The following HTR2C variants were observed in gnomAD, a reference collection of about 807,000 sequenced individuals.
HTR2C encodes the protein 5-hydroxytryptamine (serotonin) receptor 2C, G protein-coupled.
HTR2C carries 5 observed loss-of-function variants against 21.0 expected under a neutral mutation model. That is an observed-to-expected ratio of 0.24 (90% CI 0.12 to 0.50). HTR2C has a LOEUF of 0.50. Among genes scored for constraint, HTR2C ranks in the 20% least tolerant of loss-of-function variants. HTR2C has a pLI of 0.98. For missense variants in HTR2C, 271 were observed against 371.2 expected, an observed-to-expected ratio of 0.73 and a Z score of 2.22; for synonymous variants, 150 against 145.3, an observed-to-expected ratio of 1.03 and a Z score of -0.23.
intron 2 of HTR2C, among the ~76,000 whole-genome samples, chrX:114,668,519 T>C (rs1179022018): frequency 9.0e-6 from 1 of 111,664 alleles, no homozygotes. Context: ...TTTAAAATTG[T>C]ATTTATGGCT....
intron 2 of HTR2C, among the ~76,000 whole-genome samples, chrX:114,689,100 C>T (rs1406984258): frequency 9.4e-6 from 1 of 106,557 alleles, no homozygotes; most frequent in African/African-American, 3.4e-5. Flanking sequence ...GTTTTCCATT[C>T]CTGAGTTACT....
intron 1 of HTR2C, among the ~76,000 whole-genome samples, chrX:114,607,402 T>C (rs1388903678): frequency 8.9e-6 from 1 of 111,813 alleles, no homozygotes. Context: ...CTAGGACCTA[T>C]GGTACAACGT....
In HTR2C at chrX:114,710,772, T is replaced by G. The variant is rs1489030888; in HGVS notation, c.-79-16086T>G. Among the ~76,000 whole-genome samples, 5 of 111,412 alleles carry G rather than the reference T, an allele frequency of 4.5e-5. No individual in the cohort carries two copies. The East Asian group carries it at 1.4e-3, about 31-fold the overall frequency. On this transcript the variant is annotated intron_variant, in intron 2 of 5. Coordinates refer to ENST00000276198, the MANE Select transcript of HTR2C (RefSeq NM_000868.4). Reference sequence around the variant, plus strand: ...AGATGGTGGCTTAGACAGTAGTACTTCCCAGGGTATATCACAATGACAGAT... The same window carrying G: ...AGATGGTGGCTTAGACAGTAGTACTGCCCAGGGTATATCACAATGACAGAT...
At position 114,909,481 on chromosome X, in the gene HTR2C, A is replaced by T. The variant is rs2071399086; in HGVS notation, c.*2066A>T. On this transcript the variant is annotated 3_prime_UTR_variant, in exon 6 of 6. Transcript: ENST00000276198. Reference sequence around the variant, plus strand: ...AAGACCATGCATTCAGATCTGAAGTAGTGTGAGTGTTAGAAAAAACTGGAA... The same window carrying T: ...AAGACCATGCATTCAGATCTGAAGTTGTGTGAGTGTTAGAAAAAACTGGAA... 1 of 112,588 alleles carries T rather than the reference A, an allele frequency of 8.9e-6. No homozygotes were observed. The highest frequency in any genetic ancestry group is 9.5e-5 in the Admixed American group (1 of 10,570). 9.3% of individuals were successfully genotyped at this position (112,588 alleles called of 1,213,427 possible).
intron 4 of HTR2C, among the ~76,000 whole-genome samples, chrX:114,758,593 G>C (rs2069836629): frequency 9.0e-6 from 1 of 111,097 alleles, no homozygotes; most frequent in African/African-American, 3.3e-5. Context: ...TATCTATTAG[G>C]CCTTTCAAAA....
At chrX:114,839,687 AAAAACAAAACAAAACAAAAC>A (rs368109180) in intron 4 of HTR2C, among the ~76,000 whole-genome samples, 1 of 108,781 alleles carries the variant, frequency 9.2e-6, no homozygotes, top group Non-Finnish European at 1.9e-5. Context: ...ATCCTGTCTC[AAAAACAAAACAAAACAAAAC>A]AAAACAAAAC....
intron 4 of HTR2C, among the ~76,000 whole-genome samples, chrX:114,814,362 C>T (rs1282921536): frequency 9.1e-6 from 1 of 110,385 alleles, no homozygotes; most frequent in East Asian, 2.8e-4. Context: ...AGAACATAAT[C>T]TATTAAAATC....
At chrX:114,649,321 C>G (rs1479184265) in intron 2 of HTR2C, among the ~76,000 whole-genome samples, 1 of 112,188 alleles carries the variant, frequency 8.9e-6, no homozygotes, top group Non-Finnish European at 1.9e-5. Flanking sequence ...GCTGTTAATA[C>G]AAACAGTAGT....
At chrX:114,791,850 G>A (rs2070236155) in intron 4 of HTR2C, among the ~76,000 whole-genome samples, 1 of 111,221 alleles carries the variant, frequency 9.0e-6, no homozygotes, top group African/African-American at 3.3e-5. Context: ...TAAGGAATTT[G>A]GTAAATTTGA....
chrX:114,662,897 CATG>C (rs782819453), intron 2 of HTR2C, among the ~76,000 whole-genome samples: 118 of 111,815 alleles, frequency 1.1e-3, no homozygotes, highest in African/African-American at 3.6e-3. Flanking sequence ...AACAGAAAAT[CATG>C]ATGTCTAATG....
chrX:114,840,717 A>T (rs1227758013), intron 4 of HTR2C, among the ~76,000 whole-genome samples: 4 of 111,969 alleles, frequency 3.6e-5, no homozygotes, highest in Non-Finnish European at 7.5e-5. Context: ...CTGATGATTA[A>T]TCTAAGAAAA....
intron 4 of HTR2C, among the ~76,000 whole-genome samples, chrX:114,816,578 A>G (rs2070587583): frequency 9.0e-6 from 1 of 110,770 alleles, no homozygotes; most frequent in Non-Finnish European, 1.9e-5. Flanking sequence ...GTAGAAGCTG[A>G]AAATCATTTA....
intron 4 of HTR2C, among the ~76,000 whole-genome samples, chrX:114,805,542 G>GGT (rs2070395053): frequency 3.6e-5 from 1 of 27,599 alleles, no homozygotes; most frequent in African/African-American, 7.7e-5. Flanking sequence ...TATGGTATAT[G>GGT]GTGTATATAT....
chrX:114,821,280 C>G lies in HTR2C; in HGVS notation c.350-26723C>G, dbSNP rs782735842. ...GTTAGTAAGGTGATCTAACTAAAAG[C>G]TGTAGATGGTGTCTCTTTGAACTAA... On this transcript the variant is annotated intron_variant, in intron 4 of 5. Coordinates refer to ENST00000276198, the MANE Select transcript of HTR2C (RefSeq NM_000868.4). Among the ~76,000 whole-genome samples, 5 of 111,121 alleles carry G rather than the reference C, an allele frequency of 4.5e-5. No homozygotes were observed. In the Admixed American group the frequency reaches 4.8e-4, roughly 11 times the overall value.
chrX:114,609,936 T>A (rs782525415), intron 1 of HTR2C, among the ~76,000 whole-genome samples: 1 of 111,900 alleles, frequency 8.9e-6, no homozygotes, highest in East Asian at 2.8e-4. Flanking sequence ...TTGTTTTATG[T>A]TTTCATCACA....
intron 2 of HTR2C, among the ~76,000 whole-genome samples, chrX:114,632,842 C>A (rs1174854351): frequency 1.8e-5 from 2 of 110,304 alleles, no homozygotes; most frequent in Non-Finnish European, 3.8e-5. Flanking sequence ...AAAATAAATA[C>A]CTTCTTTCTT....
chrX:114,835,757 G>A (rs373843014), intron 4 of HTR2C, among the ~76,000 whole-genome samples: 5 of 111,913 alleles, frequency 4.5e-5, no homozygotes, highest in East Asian at 2.8e-4. Flanking sequence ...GAGGAACTGC[G>A]TTCCTTTTGA....
At chrX:114,658,213 T>C (rs1228980603) in intron 2 of HTR2C, among the ~76,000 whole-genome samples, 5 of 111,696 alleles carry the variant, frequency 4.5e-5, no homozygotes, top group African/African-American at 1.6e-4. Context: ...AATTGATCAC[T>C]TTTATTATTG....
chrX:114,654,880 T>C, intron 2 of HTR2C, among the ~76,000 whole-genome samples: 1 of 110,509 alleles, frequency 9.0e-6, no homozygotes, highest in Middle Eastern at 4.7e-3. Context: ...TGCCTATACA[T>C]GTCCTTCCCA....
Sources: allele counts gnomAD v4.1 joint callset (sites outside exome capture counted in the v4.1 genomes callset), GRCh38; gene constraint gnomAD v4.1.1; transcripts MANE v1.5; gene names NCBI Gene and HGNC (gene_info 2026-07-23, HGNC 2026-07-21).